Variants in ABRA observed in about 807,000 individuals in gnomAD.
ABRA encodes the protein actin-binding Rho-activating protein.
In ABRA, 25 loss-of-function variants were observed where a neutral mutation model predicts 33.4. The ratio of observed to expected loss-of-function variants is 0.75; its 90% CI spans 0.55 to 1.04. The LOEUF is 1.04. Among genes scored for constraint, ABRA ranks in the 50% least tolerant of loss-of-function variants. ABRA has a pLI of 0.00. For missense variants in ABRA, 501 were observed against 491.7 expected (o/e 1.02, Z -0.18); for synonymous variants, 193 against 176.8 (o/e 1.09, Z -0.73).
intron 1 of ABRA, among the ~76,000 whole-genome samples, chr8:106,768,747 C>T (rs1810543698): frequency 6.6e-6 from 1 of 152,166 alleles, no homozygotes; most frequent in Non-Finnish European, 1.5e-5. Context: ...CATTCTCATG[C>T]CTCAGCCTCC....
chr8:106,770,078 T>C lies in ABRA; in HGVS notation c.113A>G (p.Asn38Ser). 1.2e-6 allele frequency: 2 copies of C among 1,614,014 alleles called. No individual in the cohort carries two copies. The highest frequency in any genetic ancestry group is 3.3e-5 in the Admixed American group (2 of 60,002). Residue 38 changes from asparagine to serine, a missense_variant, in exon 1 of 2, where the codon AAT becomes AGT. By Grantham distance (46) the Asn-to-Ser change is conservative. Transcript: ENST00000311955. ...CTGGGCCTGCCTGATGCTGTTCTCA[T>C]TCGCCCACTGCTGCCAACCTCGGGC... Reference protein sequence around the residue: ...SLARGWQQWANENSIRQAQEP... With the variant: ...SLARGWQQWASENSIRQAQEP...
At chr8:106,766,096 A>T (rs10283130) in intron 1 of ABRA, among the ~76,000 whole-genome samples, 1 of 152,112 alleles carries the variant, frequency 6.6e-6, no homozygotes, top group Non-Finnish European at 1.5e-5. Context: ...ATTTTCACTG[A>T]ATTAAACATG....
chr8:106,767,416 CA>C (rs761225679), intron 1 of ABRA, among the ~76,000 whole-genome samples: 14 of 152,208 alleles, frequency 9.2e-5, no homozygotes, highest in Non-Finnish European at 1.9e-4. Context: ...TATGGTTCCT[CA>C]TGTTCGGATA....
rs1358328040 is a variant in ABRA, at chr8:106,761,244, C to T, written c.939G>A (p.Met313Ile). Residue 313 changes from methionine to isoleucine, a missense_variant, in exon 2 of 2, where the codon ATG becomes ATA. Transcript: ENST00000311955. ...GAGCCATTGTGCAGATAATGAAGCA[C>T]ATGTCCATCATTTCCCTGTAGATGT... ...EEHIYREMMDMCFIICTMARH... is the reference protein window; with the variant it reads ...EEHIYREMMDICFIICTMARH... The T allele has an allele frequency of 1.9e-6, 3 of 1,614,256 alleles. No homozygotes were observed. In the South Asian group the frequency reaches 3.3e-5, roughly 18 times the overall value.
chr8:106,764,992 T>C (rs1490818723), intron 1 of ABRA, among the ~76,000 whole-genome samples: 4 of 152,268 alleles, frequency 2.6e-5, no homozygotes, highest in African/African-American at 9.6e-5. Flanking sequence ...GTACTATAAA[T>C]GTAAGAATCG....
In ABRA at chr8:106,769,959, C is replaced by A; in HGVS notation, c.232G>T (p.Ala78Ser). The change falls in exon 1 of 2, where the codon GCC becomes TCC. Residue 78 changes from alanine (A) to serine (S), a missense_variant. By Grantham distance (99) the Ala-to-Ser change is moderately conservative (BLOSUM62 1). Transcript: ENST00000311955. ...PPTSHQKAQS[A>S]PKSPPRLPEG... ...GGCAGGCGGGGTGGCGACTTTGGGGCACTCTGAGCTTTCTGGTGTGAAGTA... is the reference window on the plus strand; with the variant it reads ...GGCAGGCGGGGTGGCGACTTTGGGGAACTCTGAGCTTTCTGGTGTGAAGTA... 1 of 1,613,822 alleles carries A rather than the reference C, an allele frequency of 6.2e-7. No homozygotes were observed. The highest frequency in any genetic ancestry group is 8.5e-7 in the Non-Finnish European group (1 of 1,179,954).
chr8:106,770,114 AC>A lies in ABRA; in HGVS notation c.76del (p.Val26SerfsTer99). The A allele has an allele frequency of 6.2e-7, 1 of 1,613,714 alleles. No homozygotes were observed. Among genetic ancestry groups the A allele is most frequent in the Non-Finnish European group, 8.5e-7 (1 of 1,179,804 alleles). Reference sequence around the variant, plus strand: ...CTGCCAACCTCGGGCCAAGCTGATGACCAGGGTGGCTGTGCGTATCTTCCGG... The same window carrying A: ...CTGCCAACCTCGGGCCAAGCTGATGACAGGGTGGCTGTGCGTATCTTCCGG... ...ALRKIRTATL[V>X]ISLARGWQQW... On this transcript the variant is annotated frameshift_variant, in exon 1 of 2. Transcript: ENST00000311955. LOFTEE classifies it high-confidence loss of function.
At chr8:106,769,399 C>T in intron 1 of ABRA, 124 bp downstream of exon 1, 1 of 1,335,572 alleles carries the variant, frequency 7.5e-7, no homozygotes, top group Non-Finnish European at 1.0e-6. Flanking sequence ...TACTCACTGC[C>T]TGTCCAGTCT....
intron 1 of ABRA, among the ~76,000 whole-genome samples, chr8:106,763,230 A>C (rs1396425750): frequency 6.6e-6 from 1 of 152,204 alleles, no homozygotes; most frequent in Non-Finnish European, 1.5e-5. Flanking sequence ...AAGAAATGAC[A>C]TCCACTAGAT....
chr8:106,768,714 A>G (rs1810543380), intron 1 of ABRA, among the ~76,000 whole-genome samples: 1 of 152,126 alleles, frequency 6.6e-6, no homozygotes, highest in African/African-American at 2.4e-5. Context: ...GCTCACTCCG[A>G]CATCAGCCTC....
chr8:106,763,409 A>G (rs1180131988), intron 1 of ABRA, among the ~76,000 whole-genome samples: 3 of 152,228 alleles, frequency 2.0e-5, no homozygotes, highest in Non-Finnish European at 4.4e-5. Context: ...AAAAGAAAGC[A>G]CACAAAAACC....
intron 1 of ABRA, among the ~76,000 whole-genome samples, chr8:106,767,497 C>T (rs1836240630): frequency 6.6e-6 from 1 of 152,196 alleles, no homozygotes; most frequent in African/African-American, 2.4e-5. Flanking sequence ...ATCCTCAAGA[C>T]ACTGCATGAA....
chr8:106,763,098 C>T (rs1334005036), intron 1 of ABRA, among the ~76,000 whole-genome samples: 2 of 152,324 alleles, frequency 1.3e-5, no homozygotes, highest in Middle Eastern at 3.4e-3. Flanking sequence ...AACCCAGGAA[C>T]CAATCAGATT....
chr8:106,767,683 A>G (rs1250061696), intron 1 of ABRA, among the ~76,000 whole-genome samples: 1 of 152,254 alleles, frequency 6.6e-6, no homozygotes, highest in East Asian at 1.9e-4. Context: ...TTAAACACCT[A>G]CAGCACACAC....
At chr8:106,762,328 GGA>G (rs1199541116) in intron 1 of ABRA, among the ~76,000 whole-genome samples, 2 of 152,170 alleles carry the variant, frequency 1.3e-5, no homozygotes, top group Non-Finnish European at 2.9e-5. Flanking sequence ...TGACGTTGCA[GGA>G]TTCAAACGCA....
At chr8:106,765,182 C>T (rs1836197774) in intron 1 of ABRA, among the ~76,000 whole-genome samples, 1 of 152,184 alleles carries the variant, frequency 6.6e-6, no homozygotes, top group South Asian at 2.1e-4. Flanking sequence ...TCAGTTTCTT[C>T]ATTATTAGTA....
Position 106,760,679 on chromosome 8 carries a change from C to A in ABRA, c.*358G>T. ...GGTGCTGTTGCTCATGCCTATAATC[C>A]CAGCTACTTGGGAGGCTGAGGTGAG... On this transcript the variant is annotated 3_prime_UTR_variant, in exon 2 of 2. Coordinates refer to ENST00000311955, the MANE Select transcript of ABRA (RefSeq NM_139166.5). 1 of 192,778 alleles carries A rather than the reference C, an allele frequency of 5.2e-6. No individual in the cohort carries two copies. The allele number at this position is 192,778 out of a possible 1,614,324, so 11.9% of individuals were successfully genotyped here.
Position 106,769,639 on chromosome 8 carries a change from C to T in ABRA, c.552G>A (p.Trp184Ter). The change falls in exon 1 of 2, where the codon TGG (tryptophan) becomes TGA (stop). Residue 184 changes from tryptophan to a stop codon, truncating the protein, a stop_gained. Transcript: ENST00000311955. LOFTEE classifies it high-confidence loss of function. The stretch of plus-strand genomic sequence containing the variant: ...CCTCTGTGTCTACGCTGTCACTCCT[C>T]CATGTGGGCTCCTCCTGCTCCATCA... ...WRVMEQEEPT[W>*]RSDSVDTEDS... The T allele has an allele frequency of 1.2e-6, 2 of 1,614,202 alleles. No individual in the cohort carries two copies. The highest frequency in any genetic ancestry group is 8.5e-7 in the Non-Finnish European group (1 of 1,180,038).
At position 106,761,040 on chromosome 8, in the gene ABRA, C is replaced by T; in HGVS notation, c.1143G>A (p.Lys381=). 1 of 1,610,728 alleles carries T rather than the reference C, an allele frequency of 6.2e-7. No homozygotes were observed. The highest frequency in any genetic ancestry group is 8.5e-7 in the Non-Finnish European group (1 of 1,177,230). Residue 381 remains lysine, a synonymous_variant, in exon 2 of 2, where the codon AAG becomes AAA. Coordinates refer to ENST00000311955, the MANE Select transcript of ABRA (RefSeq NM_139166.5). ...RDDHVVITLL[K] ...TTTGGCTTTTGTTTTTGAAGGTTCACTTGAGTAGCGTAATCACAACATGGT... is the reference window on the plus strand; with the variant it reads ...TTTGGCTTTTGTTTTTGAAGGTTCATTTGAGTAGCGTAATCACAACATGGT...
Sources: gnomAD v4.1 joint callset for allele counts (sites outside exome capture counted in the v4.1 genomes callset) on GRCh38, gnomAD v4.1.1 for gene constraint, MANE v1.5 for transcripts, NCBI Gene and HGNC (gene_info 2026-07-23, HGNC 2026-07-21) for gene names.